The following SPG11 variants were observed in gnomAD, a reference collection of about 807,000 sequenced individuals.
The protein encoded by SPG11 is spatacsin.
In SPG11, 222 loss-of-function variants were observed where a neutral mutation model predicts 274.0. That is an observed-to-expected ratio of 0.81 (90% confidence interval 0.73 to 0.91). SPG11 has a LOEUF of 0.91. Ranked by LOEUF, SPG11 falls within the 40% of genes least tolerant of loss-of-function variation. The probability of loss-of-function intolerance (pLI) is 0.00; values close to 1 mark genes in which losing one functional copy is unlikely to be tolerated. For missense variants in SPG11, 3,114 were observed against 2,872.7 expected, an observed-to-expected ratio of 1.08 and a Z score of -1.92; for synonymous variants, 1,144 against 1,039.7, an observed-to-expected ratio of 1.10 and a Z score of -1.93.
chr15:44,641,359 C>T (rs2084433257), intron 7 of SPG11, among the ~76,000 whole-genome samples: 1 of 151,912 alleles, frequency 6.6e-6, no homozygotes, highest in African/African-American at 2.4e-5. Flanking sequence ...AAGGAAAAGA[C>T]TGATTAATTA....
At chr15:44,584,868 A>G (rs2082725021) in intron 29 of SPG11, among the ~76,000 whole-genome samples, 1 of 152,258 alleles carries the variant, frequency 6.6e-6, no homozygotes, top group Middle Eastern at 3.4e-3. Flanking sequence ...GGCTCAAGCA[A>G]TCCTCCTGCC....
chr15:44,615,520 G>A lies in SPG11; in HGVS notation c.2881C>T (p.Leu961Phe). The part of the protein sequence containing the change: ...ASELEDFECF[L>F]LRLSRIGGVI... ...CCTCCAATACGGCTCAGTCTTAGGA[G>A]GAAGCATTCAAAGTCTTCCAGTTCA... The change falls in exon 16 of 40, where the codon CTC (leucine) becomes TTC (phenylalanine). Residue 961 changes from leucine to phenylalanine, a missense_variant. By Grantham distance (22) the Leu-to-Phe change is conservative. Coordinates refer to ENST00000261866, the MANE Select transcript of SPG11 (RefSeq NM_025137.4). 1.2e-6 allele frequency: 2 copies of A among 1,614,056 alleles called. No individual in the cohort carries two copies. Among genetic ancestry groups the A allele is most frequent in the Non-Finnish European group, 1.7e-6 (2 of 1,180,004 alleles).
chr15:44,564,532 A>AG lies in SPG11; in HGVS notation c.7151+14_7151+15insC, dbSNP rs765880726. 1 of 1,612,844 alleles carries AG rather than the reference A, an allele frequency of 6.2e-7. No individual in the cohort carries two copies. Among genetic ancestry groups the AG allele is most frequent in the East Asian group, 2.2e-5 (1 of 44,866 alleles). On this transcript the variant is annotated intron_variant, in intron 39 of 39. Coordinates refer to ENST00000261866, the MANE Select transcript of SPG11 (RefSeq NM_025137.4). ...AGGCAAGGAGCAATGTTTACAGTCA[A>AG]CTTTTAATACTTACTTTTTGGAAAT...
intron 25 of SPG11, among the ~76,000 whole-genome samples, chr15:44,595,697 T>C (rs1347874707): frequency 6.6e-6 from 1 of 152,182 alleles, no homozygotes; most frequent in Admixed American, 6.5e-5. Context: ...TATGCAAAAG[T>C]CAGGGAAGTA....
intron 30 of SPG11, among the ~76,000 whole-genome samples, chr15:44,580,018 A>G (rs914278496): frequency 2.0e-5 from 3 of 152,226 alleles, no homozygotes; most frequent in Non-Finnish European, 4.4e-5. Flanking sequence ...CAACCAGAGC[A>G]ACTTCTAGTC....
chr15:44,579,185 A>G (rs918344026), intron 30 of SPG11, among the ~76,000 whole-genome samples: 9 of 151,606 alleles, frequency 5.9e-5, no homozygotes, highest in Non-Finnish European at 8.8e-5. Context: ...AAACAAAAAA[A>G]CCCAAAATGT....
chr15:44,620,461 T>C, intron 14 of SPG11, 58 bp from the exon 15 acceptor site: 2 of 1,178,944 alleles, frequency 1.7e-6, no homozygotes, highest in South Asian at 2.6e-5. Context: ...GACATGTAAC[T>C]CAACACTAAA....
At position 44,563,086 on chromosome 15, in the gene SPG11, T is replaced by TAACA. The variant is rs757970653; in HGVS notation, c.*31_*34dup. On this transcript the variant is annotated 3_prime_UTR_variant, in exon 40 of 40. Transcript: ENST00000261866. Reference sequence around the variant, plus strand: ...TCTCATCACATCTGTCAGAATCTGCTAACAGTACAAGAAAACAGACACCTA... The same window carrying TAACA: ...TCTCATCACATCTGTCAGAATCTGCTAACAAACAGTACAAGAAAACAGACACCTA... The TAACA allele has an allele frequency of 1.9e-4, 299 of 1,603,536 alleles. No individual in the cohort carries two copies. Among genetic ancestry groups the TAACA allele is most frequent in the Non-Finnish European group, 2.3e-4 (274 of 1,171,038 alleles).
chr15:44,604,441 G>A (rs1316284548), intron 20 of SPG11, among the ~76,000 whole-genome samples: 1 of 152,136 alleles, frequency 6.6e-6, no homozygotes, highest in Non-Finnish European at 1.5e-5. Flanking sequence ...ATTCAAATAA[G>A]ACCATAATTT....
chr15:44,603,938 A>C (rs2083257961), intron 20 of SPG11, among the ~76,000 whole-genome samples: 1 of 152,034 alleles, frequency 6.6e-6, no homozygotes, highest in Non-Finnish European at 1.5e-5. Context: ...GGTTGGTTGA[A>C]TCCTTGGATG....
At chr15:44,577,766 T>TC (rs2082570939) in intron 30 of SPG11, among the ~76,000 whole-genome samples, 1 of 151,926 alleles carries the variant, frequency 6.6e-6, no homozygotes, top group Non-Finnish European at 1.5e-5. Flanking sequence ...ATTATCATTA[T>TC]CCCCCCTCTA....
intron 19 of SPG11, 48 bp from the exon 20 acceptor site, chr15:44,606,139 A>C: frequency 1.9e-6 from 3 of 1,549,318 alleles, no homozygotes; most frequent in Non-Finnish European, 1.8e-6. Flanking sequence ...ACTGATTATA[A>C]AATAGGTAAA....
intron 25 of SPG11, among the ~76,000 whole-genome samples, chr15:44,595,740 G>T (rs181330163): frequency 1.6e-3 from 245 of 152,306 alleles, no homozygotes; most frequent in Middle Eastern, 3.4e-3. Context: ...GCCCTCCACT[G>T]ATCTGCTGAT....
intron 4 of SPG11, among the ~76,000 whole-genome samples, chr15:44,654,337 G>A (rs561745318): frequency 9.9e-5 from 15 of 151,794 alleles, no homozygotes; most frequent in Non-Finnish European, 1.9e-4. Context: ...TGGCGAAACC[G>A]TTTCTACTGA....
At chr15:44,662,925 G>A (rs549878634) in intron 1 of SPG11, among the ~76,000 whole-genome samples, 1 of 152,330 alleles carries the variant, frequency 6.6e-6, no homozygotes, top group East Asian at 1.9e-4. Context: ...CCTTGAAGAA[G>A]AGGACTACAT....
intron 26 of SPG11, among the ~76,000 whole-genome samples, chr15:44,593,024 A>C (rs948912327): frequency 1.3e-5 from 2 of 151,970 alleles, no homozygotes; most frequent in East Asian, 3.9e-4. Context: ...ATAGCTTCAC[A>C]GATTAAATCA....
chr15:44,633,762 G>A (rs1360008811), intron 7 of SPG11, 125 bp from the exon 8 acceptor site: 3 of 898,162 alleles, frequency 3.3e-6, no homozygotes, highest in South Asian at 3.0e-5. Flanking sequence ...AAGACTGCAT[G>A]AGTACATGGG....
intron 30 of SPG11, among the ~76,000 whole-genome samples, chr15:44,576,228 A>G (rs190217507): frequency 6.6e-6 from 1 of 152,180 alleles, no homozygotes; most frequent in South Asian, 2.1e-4. Context: ...TAGGAAAAAA[A>G]AGTAAGGAAT....
chr15:44,604,450 T>G (rs986642949), intron 20 of SPG11, among the ~76,000 whole-genome samples: 1 of 152,126 alleles, frequency 6.6e-6, no homozygotes, highest in African/African-American at 2.4e-5. Context: ...AGACCATAAT[T>G]TTTTAGCACG....
Sources: allele counts gnomAD v4.1 joint callset (sites outside exome capture counted in the v4.1 genomes callset), GRCh38; gene constraint gnomAD v4.1.1; transcripts MANE v1.5; gene names NCBI Gene and HGNC (gene_info 2026-07-23, HGNC 2026-07-21).